Variants in THSD4 observed in about 807,000 individuals in gnomAD.
THSD4 encodes thrombospondin type-1 domain-containing protein 4.
In THSD4, 69 loss-of-function variants were observed where a neutral mutation model predicts 119.0. That is an observed-to-expected ratio of 0.58 (90% CI 0.48 to 0.71). The LOEUF is 0.71. Ranked by LOEUF, THSD4 falls within the 30% of genes least tolerant of loss-of-function variation. The pLI is 0.00. For missense variants in THSD4, 1,393 were observed against 1,391.1 expected, an observed-to-expected ratio of 1.00 and a Z score of -0.02; for synonymous variants, 524 against 540.4, an observed-to-expected ratio of 0.97 and a Z score of 0.42.
At chr15:71,260,877 G>C (rs1432588434) in intron 6 of THSD4, among the ~76,000 whole-genome samples, 1 of 152,120 alleles carries the variant, frequency 6.6e-6, no homozygotes. Flanking sequence ...GAGGCAGGTT[G>C]ATCACCTGAG....
intron 6 of THSD4, among the ~76,000 whole-genome samples, chr15:71,277,618 A>T (rs1024496149): frequency 6.6e-6 from 1 of 152,130 alleles, no homozygotes; most frequent in African/African-American, 2.4e-5. Context: ...ATATGTAGGG[A>T]TATATTTTTC....
At chr15:71,685,152 T>C (rs974565044) in intron 8 of THSD4, among the ~76,000 whole-genome samples, 2 of 152,050 alleles carry the variant, frequency 1.3e-5, no homozygotes, top group Admixed American at 1.3e-4. Context: ...TTTTTCTTTC[T>C]TGAATTCACA....
At chr15:71,341,742 A>C in intron 6 of THSD4, 1 of 885,024 alleles carries the variant, frequency 1.1e-6, no homozygotes, top group East Asian at 2.4e-5. Flanking sequence ...CTGCTTAGGA[A>C]AAGAGCTCTC....
rs578262444 is a variant in THSD4 at position 71,174,273 on chromosome 15, G to A, written c.99+19341G>A. 1.1e-4 allele frequency among the ~76,000 whole-genome samples: 17 copies of A among 152,264 alleles called. No homozygotes were observed. In the South Asian group the frequency reaches 1.5e-3, roughly 13 times the overall value. On this transcript the variant is annotated intron_variant, in intron 3 of 17. Transcript: ENST00000261862. ...CACTAGGGAGTGCCAGACAGTGGGC[G>A]CAGGCCAGTGTGTGCGCGCGCCGAA...
At position 71,419,503 on chromosome 15, in the gene THSD4, A is replaced by G. The variant is rs2046788412; in HGVS notation, c.1152+7680A>G. The stretch of plus-strand genomic sequence containing the variant: ...GCATGAGCACCATGCCTGGTCTATT[A>G]TTTATCTTTTACTAATTTTGGGGTT... On this transcript the variant is annotated intron_variant, in intron 7 of 17. Transcript: ENST00000261862. Among the ~76,000 whole-genome samples the G allele has an allele frequency of 1.9e-5, 2 of 107,578 alleles. 1 individual carries two copies. Among genetic ancestry groups the G allele is most frequent in the Non-Finnish European group, 4.1e-5 (2 of 49,014 alleles). The allele number at this position is 107,578 out of a possible 152,430, so 70.6% of individuals were successfully genotyped here.
chr15:71,730,782 A>C (rs1252904572), intron 9 of THSD4: 2 of 279,718 alleles, frequency 7.2e-6, no homozygotes, highest in Admixed American at 8.4e-5. Flanking sequence ...ACACGTATTT[A>C]TCTGTGTTGG....
At chr15:71,121,174 C>T (rs2040406192) in intron 1 of THSD4, among the ~76,000 whole-genome samples, 1 of 152,122 alleles carries the variant, frequency 6.6e-6, no homozygotes, top group South Asian at 2.1e-4. Context: ...TTTCCCCGGC[C>T]AGGCAGCAGC....
intron 7 of THSD4, among the ~76,000 whole-genome samples, chr15:71,511,470 CAGGAAAA>C (rs1319424038): frequency 1.3e-5 from 2 of 151,974 alleles, no homozygotes; most frequent in Non-Finnish European, 2.9e-5. Context: ...TCCTTCCTCC[CAGGAAAA>C]AGGAAAAAGA....
chr15:71,352,734 G>A (rs562706808), intron 6 of THSD4, among the ~76,000 whole-genome samples: 5 of 152,332 alleles, frequency 3.3e-5, no homozygotes, highest in African/African-American at 1.2e-4. Flanking sequence ...ACAGTGTCCT[G>A]TGTGCTATGA....
At chr15:71,432,120 A>G (rs1339326606) in intron 7 of THSD4, among the ~76,000 whole-genome samples, 1 of 152,158 alleles carries the variant, frequency 6.6e-6, no homozygotes, top group Non-Finnish European at 1.5e-5. Context: ...TTTGGAACAC[A>G]TATTACACAT....
Position 71,746,889 on chromosome 15 carries a change from G to T in THSD4, c.2088G>T (p.Met696Ile), listed in dbSNP as rs1595912776. The change falls in exon 13 of 18, where the codon ATG becomes ATT. Residue 696 changes from methionine to isoleucine, a missense_variant. Transcript: ENST00000261862. The stretch of plus-strand genomic sequence containing the variant: ...GCAGCAAGACCTGTGGCCTGGGCAT[G>T]CAGCACCGCCAGGTTCTGTGCCGCC... ...SECSKTCGLG[M>I]QHRQVLCRQV... 1.2e-6 allele frequency: 2 copies of T among 1,614,082 alleles called. No homozygotes were observed. Among genetic ancestry groups the T allele is most frequent in the Admixed American group, 1.7e-5 (1 of 60,026 alleles).
At chr15:71,199,780 G>GC (rs1555454623) in intron 3 of THSD4, among the ~76,000 whole-genome samples, 2 of 91,392 alleles carry the variant, frequency 2.2e-5, no homozygotes, top group East Asian at 4.3e-4. Context: ...TGTGTGGTGT[G>GC]TGGGTGTGTG....
In THSD4 at chr15:71,731,402, A is replaced by T. The variant is rs187976131; in HGVS notation, c.1630+185A>T. 5.0e-6 allele frequency: 3 copies of T among 603,392 alleles called. No individual in the cohort carries two copies. In the Admixed American group the frequency reaches 8.8e-5, roughly 18 times the overall value. The allele number at this position is 603,392 out of a possible 1,614,324, so 37.4% of individuals were successfully genotyped here. On this transcript the variant is annotated intron_variant, in intron 10 of 17. Transcript: ENST00000261862. ...TCACCATTTGTCTGAGCCTTCACTG[A>T]TGAGACTGTTTCATTCACTCGATTC...
chr15:71,193,782 T>A (rs28524080), intron 3 of THSD4, among the ~76,000 whole-genome samples: 8,610 of 152,144 alleles, frequency 0.057, 567 homozygotes, highest in African/African-American at 0.16. Flanking sequence ...ATCTCGGCTC[T>A]CTGCAAGCTC....
intron 7 of THSD4, among the ~76,000 whole-genome samples, chr15:71,530,275 T>G (rs372608009): frequency 6.6e-6 from 1 of 152,100 alleles, no homozygotes; most frequent in African/African-American, 2.4e-5. Context: ...GTGCCAAGAT[T>G]GGGGCTGGTT....
intron 3 of THSD4, chr15:71,185,626 G>A (rs934698289): frequency 6.6e-6 from 1 of 152,184 alleles, no homozygotes; most frequent in Non-Finnish European, 1.5e-5. Context: ...TTTCTGAGTA[G>A]CATCGAGAAC....
rs537842719 is a variant in THSD4 at position 71,554,391 on chromosome 15, C to T, written c.1153-106139C>T. On this transcript the variant is annotated intron_variant, in intron 7 of 17. Transcript: ENST00000261862. ...ATTACAGGCGTGAGACACCATGCCCCGGTTTTTTTTGTTTGAGACAAGATC... is the reference window on the plus strand; with the variant it reads ...ATTACAGGCGTGAGACACCATGCCCTGGTTTTTTTTGTTTGAGACAAGATC... 5.3e-5 allele frequency among the ~76,000 whole-genome samples: 8 copies of T among 151,144 alleles called. No homozygotes were observed. The South Asian group carries it at 1.3e-3, about 24-fold the overall frequency.
At chr15:71,618,745 T>TA (rs1161694944) in intron 7 of THSD4, among the ~76,000 whole-genome samples, 10 of 151,930 alleles carry the variant, frequency 6.6e-5, no homozygotes, top group Admixed American at 4.6e-4. Flanking sequence ...GGCTGACTTT[T>TA]AAAAAAATTA....
intron 8 of THSD4, among the ~76,000 whole-genome samples, chr15:71,676,082 AG>A (rs1347737595): frequency 1.3e-5 from 2 of 152,248 alleles, no homozygotes; most frequent in South Asian, 4.1e-4. Flanking sequence ...TTGCCTCAGC[AG>A]ACCTTCTGGA....
Sources: gnomAD v4.1 joint callset for allele counts (sites outside exome capture counted in the v4.1 genomes callset) on GRCh38, gnomAD v4.1.1 for gene constraint, MANE v1.5 for transcripts, NCBI Gene and HGNC (gene_info 2026-07-23, HGNC 2026-07-21) for gene names.